HLCS: variants seen among roughly 807,000 people sequenced by gnomAD.
The protein encoded by HLCS is biotin--protein ligase.
HLCS carries 53 observed loss-of-function variants against 75.0 expected under a neutral mutation model. The ratio of observed to expected loss-of-function variants is 0.71; its 90% CI spans 0.57 to 0.89. HLCS has a LOEUF of 0.89. Among genes scored for constraint, HLCS ranks in the 40% least tolerant of loss-of-function variants. The pLI is 0.00. For missense variants in HLCS, 966 were observed against 1,074.0 expected, an observed-to-expected ratio of 0.90 and a Z score of 1.41; for synonymous variants, 431 against 428.6, an observed-to-expected ratio of 1.01 and a Z score of -0.07.
At chr21:36,864,027 T>G (rs528927563) in intron 6 of HLCS, among the ~76,000 whole-genome samples, 1 of 152,208 alleles carries the variant, frequency 6.6e-6, no homozygotes, top group South Asian at 2.1e-4. Context: ...GACATTTAAA[T>G]GAAACTATTA....
At chr21:36,778,889 C>G (rs950323639) in intron 6 of HLCS, among the ~76,000 whole-genome samples, 1 of 152,160 alleles carries the variant, frequency 6.6e-6, no homozygotes, top group Non-Finnish European at 1.5e-5. Flanking sequence ...GAGGTCTCTA[C>G]TTTCAGGCAT....
intron 1 of HLCS, among the ~76,000 whole-genome samples, chr21:36,984,116 T>C (rs952695597): frequency 1.3e-5 from 2 of 152,118 alleles, no homozygotes; most frequent in Admixed American, 6.5e-5. Flanking sequence ...TAGAATCATA[T>C]ACATAAGCCA....
chr21:36,796,375 C>T (rs542130238), intron 6 of HLCS, among the ~76,000 whole-genome samples: 1 of 152,290 alleles, frequency 6.6e-6, no homozygotes, highest in African/African-American at 2.4e-5. Flanking sequence ...AGATGCAGAA[C>T]AGACATTTGG....
chr21:36,875,481 T>G (rs971778507), intron 6 of HLCS, among the ~76,000 whole-genome samples: 2 of 152,158 alleles, frequency 1.3e-5, no homozygotes, highest in African/African-American at 4.8e-5. Context: ...GGACAACCTG[T>G]CTGCAGAAAG....
intron 6 of HLCS, among the ~76,000 whole-genome samples, chr21:36,836,469 C>T (rs1207580081): frequency 3.4e-5 from 4 of 117,962 alleles, no homozygotes; most frequent in Admixed American, 2.0e-4. Flanking sequence ...CCCCTCCCCC[C>T]ACCCCACAAC....
At chr21:36,912,272 T>C (rs1462416458) in intron 5 of HLCS, among the ~76,000 whole-genome samples, 3 of 150,204 alleles carry the variant, frequency 2.0e-5, no homozygotes, top group Admixed American at 2.0e-4. Context: ...ATGTGGCATA[T>C]ACAATTAAGG....
At chr21:36,949,730 G>A (rs1191484676) in intron 2 of HLCS, among the ~76,000 whole-genome samples, 1 of 152,128 alleles carries the variant, frequency 6.6e-6, no homozygotes, top group African/African-American at 2.4e-5. Flanking sequence ...ATGCTCCTTT[G>A]GCCCAGGACC....
chr21:36,801,798 T>A lies in HLCS; in HGVS notation c.1893-34513A>T, dbSNP rs986049142. ...ATTTCCTTTCTTTTTTTTTTTTAAATTTTTTAATTTCTTTTATAGAGACAG... is the reference window on the plus strand; with the variant it reads ...ATTTCCTTTCTTTTTTTTTTTTAAAATTTTTAATTTCTTTTATAGAGACAG... On this transcript the variant is annotated intron_variant, in intron 6 of 10. Transcript: ENST00000674895. Among the ~76,000 whole-genome samples, 5 of 151,966 alleles carry A rather than the reference T, an allele frequency of 3.3e-5. No homozygotes were observed. In the East Asian group the frequency reaches 5.8e-4, roughly 18 times the overall value.
intron 6 of HLCS, among the ~76,000 whole-genome samples, chr21:36,860,923 G>T (rs1417959731): frequency 6.6e-6 from 1 of 152,004 alleles, no homozygotes; most frequent in African/African-American, 2.4e-5. Context: ...CGTCCACCTG[G>T]GTTTATTTTT....
intron 6 of HLCS, among the ~76,000 whole-genome samples, chr21:36,827,847 T>C (rs1345238221): frequency 6.7e-6 from 1 of 148,686 alleles, no homozygotes; most frequent in Non-Finnish European, 1.5e-5. Context: ...AGAGTCTCAC[T>C]GGGTCATCCA....
chr21:36,864,171 G>A (rs79998214), intron 6 of HLCS, among the ~76,000 whole-genome samples: 11 of 151,890 alleles, frequency 7.2e-5, no homozygotes, highest in South Asian at 2.1e-4. Context: ...AGGCTGAGGC[G>A]GGCGGATCAC....
At chr21:36,989,785 G>C (rs2069308949) in intron 1 of HLCS, among the ~76,000 whole-genome samples, 1 of 152,170 alleles carries the variant, frequency 6.6e-6, no homozygotes, top group Non-Finnish European at 1.5e-5. Flanking sequence ...ACATGGGCGC[G>C]GGGCACGCGG....
intron 6 of HLCS, among the ~76,000 whole-genome samples, chr21:36,777,897 T>G (rs980986410): frequency 2.0e-5 from 3 of 152,252 alleles, no homozygotes; most frequent in African/African-American, 7.2e-5. Context: ...ATAAATCTAT[T>G]TCTCATGAAA....
At chr21:36,764,696 C>A (rs902894639) in intron 8 of HLCS, among the ~76,000 whole-genome samples, 1 of 152,162 alleles carries the variant, frequency 6.6e-6, no homozygotes, top group Non-Finnish European at 1.5e-5. Flanking sequence ...CAGAGTGAGA[C>A]CCTGTCTCAA....
At chr21:36,811,029 T>C (rs2061494674) in intron 6 of HLCS, among the ~76,000 whole-genome samples, 1 of 152,232 alleles carries the variant, frequency 6.6e-6, no homozygotes, top group African/African-American at 2.4e-5. Context: ...GAGAAGCATA[T>C]TACTCATTTA....
chr21:36,959,493 G>A (rs992581083), intron 2 of HLCS, among the ~76,000 whole-genome samples: 34 of 152,200 alleles, frequency 2.2e-4, no homozygotes, highest in African/African-American at 7.5e-4. Context: ...AGAAAGGGGC[G>A]GGTCCCTGGT....
At chr21:36,896,452 A>G in intron 6 of HLCS, 1 of 272,572 alleles carries the variant, frequency 3.7e-6, no homozygotes, top group Non-Finnish European at 7.1e-6. Context: ...CTTAGGTGTC[A>G]TTCAAACTTC....
chr21:36,964,414 C>A (rs2068462733), intron 1 of HLCS, among the ~76,000 whole-genome samples: 1 of 152,256 alleles, frequency 6.6e-6, no homozygotes, highest in Non-Finnish European at 1.5e-5. Context: ...TTCAACATCA[C>A]AGCTTAAACC....
chr21:36,908,812 A>G (rs962287897), intron 5 of HLCS, among the ~76,000 whole-genome samples: 1 of 152,230 alleles, frequency 6.6e-6, no homozygotes, highest in Non-Finnish European at 1.5e-5. Flanking sequence ...GACGTTTCAG[A>G]AAAGGCCAAT....
Sources: allele counts gnomAD v4.1 joint callset (sites outside exome capture counted in the v4.1 genomes callset), GRCh38; gene constraint gnomAD v4.1.1; transcripts MANE v1.5; gene names NCBI Gene and HGNC (gene_info 2026-07-23, HGNC 2026-07-21).